The following BACH2 variants were observed in gnomAD, a reference collection of about 807,000 sequenced individuals.
BACH2 encodes the protein transcription regulator protein BACH2.
Under a neutral mutation model 61.8 loss-of-function variants are expected in BACH2, and 5 were observed. The ratio of observed to expected loss-of-function variants is 0.08; its 90% confidence interval spans 0.04 to 0.17. The LOEUF (loss-of-function observed/expected upper bound fraction) is 0.17, where lower values mean the gene tolerates loss of function less well. BACH2 is among the 10% of genes least tolerant of loss of function. The pLI, the probability that BACH2 is intolerant of heterozygous loss-of-function variation, is 1.00. For missense variants in BACH2, 824 were observed against 1,091.1 expected (o/e 0.76, Z 3.45); for synonymous variants, 446 against 440.1 (o/e 1.01, Z -0.17).
At chr6:90,294,963 A>T (rs1772292879) in intron 1 of BACH2, among the ~76,000 whole-genome samples, 1 of 152,274 alleles carries the variant, frequency 6.6e-6, no homozygotes, top group African/African-American at 2.4e-5. Context: ...CCCACTAGGC[A>T]GGAAAGGATT....
At chr6:90,250,877 AG>A (rs1165085356) in intron 3 of BACH2, among the ~76,000 whole-genome samples, 4 of 152,248 alleles carry the variant, frequency 2.6e-5, no homozygotes, top group Non-Finnish European at 5.9e-5. Flanking sequence ...CATGTTAGGC[AG>A]AGCATCATCT....
intron 1 of BACH2, among the ~76,000 whole-genome samples, chr6:90,287,874 A>T (rs1431641099): frequency 6.6e-6 from 1 of 152,200 alleles, no homozygotes; most frequent in Non-Finnish European, 1.5e-5. Context: ...GTGTTCATAA[A>T]ATCTTTCTCT....
chr6:90,243,702 A>G (rs991525387), intron 3 of BACH2, among the ~76,000 whole-genome samples: 1 of 152,220 alleles, frequency 6.6e-6, no homozygotes, highest in African/African-American at 2.4e-5. Context: ...GAATTTGGCA[A>G]AAATGATGAT....
In BACH2 at chr6:90,160,424, A is replaced by T. The variant is rs115954495; in HGVS notation, c.-162+46145T>A. 9.9e-3 allele frequency among the ~76,000 whole-genome samples: 1,515 copies of T among 152,316 alleles called. 22 individuals are homozygous for T. The highest frequency in any genetic ancestry group is 0.028 in the African/African-American group (1,162 of 41,572). On this transcript the variant is annotated intron_variant, in intron 4 of 8. Coordinates refer to ENST00000257749, the MANE Select transcript of BACH2 (RefSeq NM_021813.4). ...CCATCATAACATTTATTTAAAACACAATTCTATAACAATCTGGCCAGTGCA... is the reference window on the plus strand; with the variant it reads ...CCATCATAACATTTATTTAAAACACTATTCTATAACAATCTGGCCAGTGCA...
rs759051445 is a variant in BACH2 at position 89,950,664 on chromosome 6, G to A, written c.1442C>T (p.Ser481Phe). The change falls in exon 7 of 9, where the codon TCC (serine) becomes TTC (phenylalanine). Residue 481 changes from serine to phenylalanine, a missense_variant. By Grantham distance (155) the Ser-to-Phe change is radical. Transcript: ENST00000257749. The surrounding 1 kb of genome is among the most constrained non-coding windows in gnomAD (Gnocchi z 5.3). ...GQSLPSSQAY[S>F]HGGLMADHLP... is the part of the protein sequence containing the mutation. ...GTGGTCGGCCATCAGCCCACCGTGG[G>A]AGTAGGCCTGCGAGCTGGGGAGGGA... is the stretch of plus-strand genomic sequence containing the variant. 1 of 1,614,188 alleles carries A rather than the reference G, an allele frequency of 6.2e-7. No homozygotes were observed. Among genetic ancestry groups the A allele is most frequent in the Non-Finnish European group, 8.5e-7 (1 of 1,180,032 alleles).
At chr6:90,163,307 A>G (rs1297047596) in intron 4 of BACH2, among the ~76,000 whole-genome samples, 1 of 152,230 alleles carries the variant, frequency 6.6e-6, no homozygotes, top group Non-Finnish European at 1.5e-5. Context: ...ATAAGTGAAA[A>G]TAAGTCCTTG....
intron 5 of BACH2, among the ~76,000 whole-genome samples, chr6:90,037,368 C>T (rs915956368): frequency 1.3e-5 from 2 of 152,206 alleles, no homozygotes; most frequent in Non-Finnish European, 2.9e-5. Context: ...CTGTAACCTA[C>T]AAAGACACAG....
intron 6 of BACH2, among the ~76,000 whole-genome samples, chr6:89,987,406 G>A (rs1277897561): frequency 6.6e-6 from 1 of 152,116 alleles, no homozygotes; most frequent in Admixed American, 6.5e-5. Flanking sequence ...GGCTGTGTGT[G>A]AGGGATCACA....
chr6:90,243,711 A>T (rs750966817), intron 3 of BACH2, among the ~76,000 whole-genome samples: 3 of 152,230 alleles, frequency 2.0e-5, no homozygotes, highest in Admixed American at 6.5e-5. Flanking sequence ...AAAAATGATG[A>T]TGGATCCAAA....
At chr6:90,229,363 G>C (rs975607063) in intron 3 of BACH2, among the ~76,000 whole-genome samples, 1 of 152,140 alleles carries the variant, frequency 6.6e-6, no homozygotes, top group African/African-American at 2.4e-5. Context: ...TGGAGGCTGA[G>C]GCCAGAGAAT....
chr6:90,049,753 C>T (rs528162378), intron 5 of BACH2, among the ~76,000 whole-genome samples: 1 of 152,316 alleles, frequency 6.6e-6, no homozygotes, highest in African/African-American at 2.4e-5. Context: ...AATCTCAACA[C>T]ATAACATTTT....
intron 1 of BACH2, among the ~76,000 whole-genome samples, chr6:90,293,331 C>T (rs1334882056): frequency 6.6e-6 from 1 of 152,186 alleles, no homozygotes; most frequent in Non-Finnish European, 1.5e-5. Flanking sequence ...AGGGGCCAGG[C>T]ACAGCAGAGA....
At chr6:90,152,380 T>C (rs1269027137) in intron 4 of BACH2, among the ~76,000 whole-genome samples, 4 of 152,196 alleles carry the variant, frequency 2.6e-5, no homozygotes, top group Admixed American at 2.6e-4. Flanking sequence ...TGACTGTGTA[T>C]GGTAAAATTT....
chr6:90,253,904 A>T (rs897786952), intron 2 of BACH2, among the ~76,000 whole-genome samples: 3 of 149,862 alleles, frequency 2.0e-5, no homozygotes, highest in Non-Finnish European at 3.0e-5. Context: ...TATTTTTTTT[A>T]AACTATCATG....
chr6:90,042,317 C>T (rs1256205913), intron 5 of BACH2, among the ~76,000 whole-genome samples: 3 of 152,020 alleles, frequency 2.0e-5, no homozygotes, highest in Non-Finnish European at 4.4e-5. Flanking sequence ...CTCAGCTTCC[C>T]GAATAGCTGG....
intron 6 of BACH2, among the ~76,000 whole-genome samples, chr6:89,977,994 T>C (rs1414747131): frequency 1.3e-5 from 2 of 152,162 alleles, no homozygotes; most frequent in Admixed American, 6.5e-5. Context: ...ACACCATATG[T>C]AATCACTCCA....
intron 6 of BACH2, among the ~76,000 whole-genome samples, chr6:89,992,874 C>T (rs180762711): frequency 6.0e-4 from 91 of 152,286 alleles, no homozygotes; most frequent in African/African-American, 1.8e-3. Flanking sequence ...CTCTTTAACA[C>T]ATATTGAAGC....
chr6:90,021,484 T>C lies in BACH2; in HGVS notation c.-12-12628A>G, dbSNP rs371190486. ...AATTATAAACCATTTCACTTGAAAT[T>C]CAAACTACATTTCTCCCAGAAACAG... is the stretch of plus-strand genomic sequence containing the variant. On this transcript the variant is annotated intron_variant, in intron 5 of 8. Transcript: ENST00000257749. 3.9e-5 allele frequency among the ~76,000 whole-genome samples: 6 copies of C among 152,286 alleles called. No homozygotes were observed. In the South Asian group the frequency reaches 1.2e-3, roughly 32 times the overall value.
At chr6:89,952,326 C>CA (rs559991002) in intron 6 of BACH2, among the ~76,000 whole-genome samples, 1 of 152,056 alleles carries the variant, frequency 6.6e-6, no homozygotes, top group East Asian at 1.9e-4. Flanking sequence ...TGTGACCCTG[C>CA]AAAAAACTAA....
Sources: allele counts gnomAD v4.1 joint callset (sites outside exome capture counted in the v4.1 genomes callset), GRCh38; gene constraint gnomAD v4.1.1; non-coding constraint Gnocchi (gnomAD v3.1); transcripts MANE v1.5; gene names NCBI Gene and HGNC (gene_info 2026-07-23, HGNC 2026-07-21).